The following CROCC variants were observed in gnomAD, a reference collection of about 807,000 sequenced individuals.
CROCC encodes the protein ciliary rootlet coiled-coil, rootletin, also known as rootletin.
Under a neutral mutation model 245.2 loss-of-function variants are expected in CROCC, and 180 were observed. That is an observed-to-expected ratio of 0.73 (90% CI 0.65 to 0.83). The LOEUF (loss-of-function observed/expected upper bound fraction) is 0.83. CROCC is among the 40% of genes least tolerant of loss of function. The pLI is 0.00. For synonymous variants in CROCC, 1,205 were observed against 1,241.6 expected, an observed-to-expected ratio of 0.97 and a Z score of 0.62; for missense variants, 2,688 against 2,779.4, an observed-to-expected ratio of 0.97 and a Z score of 0.74.
intron 8 of CROCC, among the ~76,000 whole-genome samples, chr1:16,934,028 G>A (rs1180914106): frequency 6.6e-6 from 1 of 152,228 alleles, no homozygotes; most frequent in Non-Finnish European, 1.5e-5. Flanking sequence ...TCTAAAGCTA[G>A]GTCAGATTCA....
At position 16,930,726 on chromosome 1, in the gene CROCC, G is replaced by A. The variant is rs374118136; in HGVS notation, c.849+132G>A. 3.0e-4 allele frequency: 285 copies of A among 960,014 alleles called. No individual in the cohort carries two copies. In the East Asian group the frequency reaches 3.1e-3, roughly 10 times the overall value. The allele number at this position is 960,014 out of a possible 1,614,324, so 59.5% of individuals were successfully genotyped here. On this transcript the variant is annotated intron_variant, in intron 7 of 36. Coordinates refer to ENST00000375541, the MANE Select transcript of CROCC (RefSeq NM_014675.5). ...AGCCTGTTAGCAGAAGTAAATAGCC[G>A]TCATCACAATAGCTGGTCTTTATCA...
Position 16,936,762 on chromosome 1 carries a change from C to A in CROCC, c.1082C>A (p.Ala361Asp). The change falls in exon 9 of 37, where the codon GCC (alanine) becomes GAC (aspartate). Residue 361 changes from alanine (A) to aspartate (D), a missense_variant. Ala to Asp is a moderately radical substitution (Grantham distance 126). Transcript: ENST00000375541. ...GCCGAGGCAGCCCTGGAGAAACAGG[C>A]CCTGCTGCAGGCCCAGCTGGAGGAG... ...SRAEAALEKQALLQAQLEEQL... is the reference protein window; with the variant it reads ...SRAEAALEKQDLLQAQLEEQL... 1 of 1,611,200 alleles carries A rather than the reference C, an allele frequency of 6.2e-7. No homozygotes were observed. The highest frequency in any genetic ancestry group is 2.2e-5 in the East Asian group (1 of 44,834).
At chr1:16,959,628 C>T (rs1383760093) in intron 26 of CROCC, among the ~76,000 whole-genome samples, 1 of 152,204 alleles carries the variant, frequency 6.6e-6, no homozygotes, top group South Asian at 2.1e-4. Flanking sequence ...GAGGTTGACT[C>T]TCTAAATGGC....
At chr1:16,939,228 A>G (rs1298213800) in intron 12 of CROCC, 86 bp downstream of exon 12, 583 of 813,146 alleles carry the variant, frequency 7.2e-4, no homozygotes, top group Middle Eastern at 1.2e-3. Context: ...GGGCGGGGGC[A>G]GGTCCGGGGC....
intron 25 of CROCC, 142 bp from the exon 26 acceptor site, chr1:16,958,441 G>A (rs192592804): frequency 2.0e-6 from 2 of 1,006,564 alleles, no homozygotes; most frequent in East Asian, 5.3e-5. Flanking sequence ...CAGTGTGGTT[G>A]TGTAGGGGCC....
chr1:16,930,489 G>A lies in CROCC; in HGVS notation c.744G>A (p.Ser248=), dbSNP rs774561655. The A allele has an allele frequency of 1.1e-5, 18 of 1,612,376 alleles. No individual in the cohort carries two copies. Among genetic ancestry groups the A allele is most frequent in the East Asian group, 4.5e-5 (2 of 44,886 alleles). Reference sequence around the variant, plus strand: ...GAGAACAGCTGGACCAGGCAGGCTCGGCCAACCAGGCTCTGAGTGAGGACA... The same window carrying A: ...GAGAACAGCTGGACCAGGCAGGCTCAGCCAACCAGGCTCTGAGTGAGGACA... ...MLREQLDQAG[S]ANQALSEDIR... Residue 248 remains serine, a synonymous_variant, in exon 7 of 37, where the codon TCG becomes TCA. Transcript: ENST00000375541.
At position 16,969,322 on chromosome 1, in the gene CROCC, T is replaced by C. The variant is rs2076473847; in HGVS notation, c.5283T>C (p.His1761=). The part of the protein sequence containing the change: ...HLQKALTACE[H]DRQVLQERLD... ...AGAAGGCTCTGACCGCCTGTGAACATGACCGCCAAGTACTCCAGGTCTCGG... is the reference window on the plus strand; with the variant it reads ...AGAAGGCTCTGACCGCCTGTGAACACGACCGCCAAGTACTCCAGGTCTCGG... Residue 1761 remains histidine, a synonymous_variant, in exon 32 of 37, where the codon CAT becomes CAC. Coordinates refer to ENST00000375541, the MANE Select transcript of CROCC (RefSeq NM_014675.5). 1 of 1,611,694 alleles carries C rather than the reference T, an allele frequency of 6.2e-7. No homozygotes were observed. The highest frequency in any genetic ancestry group is 1.1e-5 in the South Asian group (1 of 90,794).
In CROCC at chr1:16,956,037, C is replaced by A; in HGVS notation, c.3745C>A (p.Leu1249Ile). 6.4e-7 allele frequency: 1 copy of A among 1,551,134 alleles called. No individual in the cohort carries two copies. ...ANEDKEQKLA[L>I]LEEARTAVGK... ...TGAGGACAAGGAGCAGAAGCTGGCA[C>A]TCCTAGAGGAGGCACGGACAGCTGT... The change falls in exon 25 of 37, where the codon CTC becomes ATC. Residue 1249 changes from leucine (L) to isoleucine (I), a missense_variant. Coordinates refer to ENST00000375541, the MANE Select transcript of CROCC (RefSeq NM_014675.5).
intron 33 of CROCC, 65 bp from the exon 34 acceptor site, chr1:16,970,188 C>G (rs2076491081): frequency 1.4e-6 from 2 of 1,443,426 alleles, no homozygotes; most frequent in Non-Finnish European, 1.8e-6. Context: ...CCTCATTGTC[C>G]CCAAGCTTCA....
At position 16,968,356 on chromosome 1, in the gene CROCC, C is replaced by T; in HGVS notation, c.5014C>T (p.Leu1672Phe). The T allele has an allele frequency of 6.5e-7, 1 of 1,541,298 alleles. No individual in the cohort carries two copies. Among genetic ancestry groups the T allele is most frequent in the East Asian group, 2.5e-5 (1 of 40,742 alleles). ...EGELQRSRLG[L>F]SDREAQAQAL... Reference sequence around the variant, plus strand: ...GGAGCTGCAGCGCAGCCGCCTGGGCCTCAGTGACCGCGAGGCCCAAGCCCA... The same window carrying T: ...GGAGCTGCAGCGCAGCCGCCTGGGCTTCAGTGACCGCGAGGCCCAAGCCCA... Residue 1672 changes from leucine (L) to phenylalanine (F), a missense_variant, in exon 31 of 37, where the codon CTC (leucine) becomes TTC (phenylalanine). Physicochemically the swap from Leu to Phe is conservative, Grantham distance 22. Transcript: ENST00000375541.
At chr1:16,952,642 C>T (rs536622853) in intron 20 of CROCC, among the ~76,000 whole-genome samples, 163 of 152,264 alleles carry the variant, frequency 1.1e-3, no homozygotes, top group Non-Finnish European at 2.0e-3. Flanking sequence ...ATCTGAACTC[C>T]TGTGACCTCC....
intron 10 of CROCC, among the ~76,000 whole-genome samples, 187 bp downstream of exon 10, chr1:16,937,924 C>G (rs2075828540): frequency 1.3e-5 from 2 of 152,294 alleles, no homozygotes; most frequent in African/African-American, 4.8e-5. Context: ...TTCCTCCCAG[C>G]AGCCCTGTAG....
In CROCC at chr1:16,929,910, G is replaced by A. The variant is rs759138411; in HGVS notation, c.416G>A (p.Arg139Gln). 27 of 1,588,586 alleles carry A rather than the reference G, an allele frequency of 1.7e-5. No individual in the cohort carries two copies. The East Asian group carries it at 2.5e-4, about 15-fold the overall frequency. The change falls in exon 4 of 37, where the codon CGG (arginine) becomes CAG (glutamine). Residue 139 changes from arginine to glutamine, a missense_variant. By Grantham distance (43) the Arg-to-Gln change is conservative (BLOSUM62 1). This residue lies in a region of CROCC where 972 missense variants were observed against 895.3 expected (regional missense o/e 1.09). Transcript: ENST00000375541. ...ACGCAGGAGCCCAGGGGGCTGGTACGGCAGAGCGTGGAGTTGCGGAGGCAG... is the reference window on the plus strand; with the variant it reads ...ACGCAGGAGCCCAGGGGGCTGGTACAGCAGAGCGTGGAGTTGCGGAGGCAG... ...LETQEPRGLV[R>Q]QSVELRRQLQ...
intron 33 of CROCC, 109 bp from the exon 34 acceptor site, chr1:16,970,144 G>T: frequency 8.1e-7 from 1 of 1,236,436 alleles, no homozygotes; most frequent in Non-Finnish European, 1.1e-6. Flanking sequence ...CTCTGATGTG[G>T]GCCTCACCGT....
At chr1:16,968,172 C>T (rs1287438821) in intron 30 of CROCC, 31 bp from the exon 31 acceptor site, 5 of 1,545,516 alleles carry the variant, frequency 3.2e-6, no homozygotes, top group Non-Finnish European at 3.5e-6. Context: ...GTGCACTGGA[C>T]GTCTGGGCCT....
Position 16,972,569 on chromosome 1 carries a change from C to A in CROCC, c.*123C>A. ...CTCAAGCTGGGGTGGGATGAGGAGGCGCTCTGCTGGCAGTGCTGAGGACGG... is the reference window on the plus strand; with the variant it reads ...CTCAAGCTGGGGTGGGATGAGGAGGAGCTCTGCTGGCAGTGCTGAGGACGG... On this transcript the variant is annotated 3_prime_UTR_variant, in exon 37 of 37. Coordinates refer to ENST00000375541, the MANE Select transcript of CROCC (RefSeq NM_014675.5). The A allele has an allele frequency of 1.6e-6, 1 of 633,400 alleles. No individual in the cohort carries two copies. 39.2% of individuals were successfully genotyped at this position (633,400 alleles called of 1,614,324 possible). A position where few individuals can be genotyped will look rare whatever the true frequency, so the allele number is the denominator to read the frequency against.
chr1:16,938,703 G>T (rs1239526763), intron 11 of CROCC, among the ~76,000 whole-genome samples: 7 of 152,278 alleles, frequency 4.6e-5, no homozygotes, highest in South Asian at 2.1e-4. Flanking sequence ...CTGTGAGCAA[G>T]GCCAAATGAT....
At position 16,960,834 on chromosome 1, in the gene CROCC, T is replaced by C; in HGVS notation, c.4109T>C (p.Leu1370Pro). 6.6e-7 allele frequency: 1 copy of C among 1,517,578 alleles called. No homozygotes were observed. Among genetic ancestry groups the C allele is most frequent in the Non-Finnish European group, 8.8e-7 (1 of 1,139,010 alleles). The allele number at this position is 1,517,578 out of a possible 1,614,324, so 94.0% of individuals were successfully genotyped here. A position where few individuals can be genotyped will look rare whatever the true frequency, so the allele number is the denominator to read the frequency against. The change falls in exon 27 of 37, where the codon CTG (leucine) becomes CCG (proline). Residue 1370 changes from leucine to proline, a missense_variant. Transcript: ENST00000375541. ...CGCGAGCGACGCCTGCTGGGCTCCC[T>C]GGAGGAGGCGCGTGGCACTGAAAAG... ...RTRERRLLGS[L>P]EEARGTEKQQ... is the part of the protein sequence containing the mutation.
chr1:16,935,691 TG>T (rs2075772748), intron 8 of CROCC, among the ~76,000 whole-genome samples: 1 of 152,298 alleles, frequency 6.6e-6, no homozygotes, highest in Admixed American at 6.5e-5. Flanking sequence ...CCCAAAGTGC[TG>T]GGATTACAGG....
Sources: allele counts gnomAD v4.1 joint callset (sites outside exome capture counted in the v4.1 genomes callset), GRCh38; gene constraint gnomAD v4.1.1; regional missense constraint gnomAD v4.1.1; transcripts MANE v1.5; gene names NCBI Gene and HGNC (gene_info 2026-07-23, HGNC 2026-07-21).